The following ELMO1 variants were observed in gnomAD, a reference collection of about 807,000 sequenced individuals.
The protein encoded by ELMO1 is engulfment and cell motility protein 1.
In ELMO1, 26 loss-of-function variants were observed where a neutral mutation model predicts 98.9. That is an observed-to-expected ratio of 0.26 (90% CI 0.19 to 0.36). ELMO1 has a LOEUF of 0.36. ELMO1 is among the 10% of genes least tolerant of loss of function. ELMO1 has a pLI of 1.00. For missense variants in ELMO1, 627 were observed against 935.2 expected (o/e 0.67, Z 4.30); for synonymous variants, 346 against 346.0 (o/e 1.00, Z 0.00).
At chr7:37,041,220 T>A (rs561943366) in intron 15 of ELMO1, among the ~76,000 whole-genome samples, 1 of 152,346 alleles carries the variant, frequency 6.6e-6, no homozygotes, top group Admixed American at 6.5e-5. Flanking sequence ...TCGTGCTACA[T>A]TGTTGCACTG....
At position 37,311,089 on chromosome 7, in the gene ELMO1, T is replaced by C. The variant is rs553565773; in HGVS notation, c.192+3761A>G. On this transcript the variant is annotated intron_variant, in intron 4 of 21. Coordinates refer to ENST00000310758, the MANE Select transcript of ELMO1 (RefSeq NM_014800.11). ...AACTTGTGAATCATTGAATCTTAAC[T>C]TTCTCTGAGGCATTTCCAAGCAATG... is the stretch of plus-strand genomic sequence containing the variant. Among the ~76,000 whole-genome samples the C allele has an allele frequency of 2.8e-4, 42 of 152,152 alleles. 1 individual carries two copies. The highest frequency in any genetic ancestry group is 3.4e-3 in the Middle Eastern group (1 of 294).
intron 16 of ELMO1, among the ~76,000 whole-genome samples, chr7:36,912,327 A>C (rs1051629421): frequency 2.6e-5 from 4 of 152,136 alleles, no homozygotes; most frequent in African/African-American, 9.7e-5. Flanking sequence ...TTACAAGCAA[A>C]GGTGCTGCCA....
Position 36,941,054 on chromosome 7 carries a change from T to C in ELMO1, c.1438-46037A>G, listed in dbSNP as rs140964555. Among the ~76,000 whole-genome samples the C allele has an allele frequency of 1.8e-3, 281 of 152,336 alleles. 1 individual carries two copies. The highest frequency in any genetic ancestry group is 6.4e-3 in the African/African-American group (265 of 41,572). On this transcript the variant is annotated intron_variant, in intron 16 of 21. Transcript: ENST00000310758. The stretch of plus-strand genomic sequence containing the variant: ...CATTTTATGAAATATGCCTAAATAA[T>C]GTAAATGAAATTCCAAGTTTGTTTC...
chr7:37,136,593 A>T (rs571208158), intron 13 of ELMO1, among the ~76,000 whole-genome samples: 17 of 152,312 alleles, frequency 1.1e-4, no homozygotes, highest in Non-Finnish European at 2.2e-4. Context: ...CAAAACAATT[A>T]TCGGCCAAGA....
chr7:37,029,535 T>G (rs1353743622), intron 15 of ELMO1, among the ~76,000 whole-genome samples: 1 of 152,168 alleles, frequency 6.6e-6, no homozygotes, highest in African/African-American at 2.4e-5. Context: ...GGTGGTATTT[T>G]GGGAAATAAA....
At chr7:37,147,581 C>G (rs894225010) in intron 13 of ELMO1, among the ~76,000 whole-genome samples, 2 of 152,128 alleles carry the variant, frequency 1.3e-5, no homozygotes, top group African/African-American at 4.8e-5. Flanking sequence ...TTGGAGCTGC[C>G]AACAAGTCCA....
At chr7:37,315,808 G>A (rs1799122955) in intron 3 of ELMO1, 112 bp downstream of exon 3, 1 of 943,228 alleles carries the variant, frequency 1.1e-6, no homozygotes, top group Non-Finnish European at 1.6e-6. Flanking sequence ...TTGACTTTGA[G>A]CAAGTCAGTG....
intron 16 of ELMO1, among the ~76,000 whole-genome samples, chr7:37,005,036 G>A (rs899108593): frequency 7.0e-6 from 1 of 143,552 alleles, no homozygotes; most frequent in Non-Finnish European, 1.5e-5. Flanking sequence ...TTGAACCAGC[G>A]AGTTGGAGGT....
chr7:37,160,711 G>C (rs940512747), intron 13 of ELMO1, among the ~76,000 whole-genome samples: 1 of 152,150 alleles, frequency 6.6e-6, no homozygotes. Context: ...ACAGGTGCCT[G>C]GGAGTCCTGT....
At chr7:37,334,839 T>C (rs1326189073) in intron 2 of ELMO1, among the ~76,000 whole-genome samples, 2 of 152,220 alleles carry the variant, frequency 1.3e-5, no homozygotes, top group Non-Finnish European at 2.9e-5. Flanking sequence ...CAATCACACT[T>C]ACCTAAAACA....
intron 16 of ELMO1, chr7:36,985,943 T>C (rs1352797662): frequency 2.0e-6 from 2 of 1,002,908 alleles, no homozygotes; most frequent in African/African-American, 3.5e-5. Flanking sequence ...TAAGTCCATC[T>C]TTCCCAACCA....
At chr7:37,069,054 G>A (rs1312617945) in intron 15 of ELMO1, among the ~76,000 whole-genome samples, 1 of 152,112 alleles carries the variant, frequency 6.6e-6, no homozygotes, top group Non-Finnish European at 1.5e-5. Context: ...GTTCTATCCT[G>A]ACAGTAGGAC....
At chr7:37,080,600 ATTTTTTT>A (rs764259726) in intron 15 of ELMO1, among the ~76,000 whole-genome samples, 45 of 105,220 alleles carry the variant, frequency 4.3e-4, no homozygotes, top group African/African-American at 8.6e-4. Flanking sequence ...ACCACGCCTA[ATTTTTTT>A]TTTTTTTTTT....
chr7:37,169,945 A>T (rs1415954655), intron 13 of ELMO1, among the ~76,000 whole-genome samples: 1 of 152,158 alleles, frequency 6.6e-6, no homozygotes, highest in Non-Finnish European at 1.5e-5. Flanking sequence ...CTTGTCACCC[A>T]GGCTGGAGTG....
chr7:36,894,973 G>A lies in ELMO1; in HGVS notation c.1482C>T (p.Thr494=), dbSNP rs745728435. The change falls in exon 17 of 22, where the codon ACC becomes ACT. Residue 494 remains threonine (T), a synonymous_variant. Transcript: ENST00000310758. ...TGAACTGGTCCAGGGAGCTAGGCTT[G>A]GTTGTAAGTGCTCTCATAACCTGCT... The part of the protein sequence containing the change: ...VKEQVMRALT[T]KPSSLDQFKS... The A allele has an allele frequency of 3.7e-6, 6 of 1,613,938 alleles. No individual in the cohort carries two copies. Among genetic ancestry groups the A allele is most frequent in the Non-Finnish European group, 5.1e-6 (6 of 1,180,012 alleles).
intron 16 of ELMO1, among the ~76,000 whole-genome samples, chr7:36,909,205 T>G (rs1032114772): frequency 2.6e-5 from 4 of 152,234 alleles, no homozygotes; most frequent in African/African-American, 9.6e-5. Context: ...TAGTGAGTAA[T>G]GCATAGCTCC....
chr7:36,916,140 C>G (rs1169006927), intron 16 of ELMO1, among the ~76,000 whole-genome samples: 2 of 152,212 alleles, frequency 1.3e-5, no homozygotes, highest in African/African-American at 4.8e-5. Context: ...CAGACCAGAA[C>G]AGGTGTTCCA....
chr7:37,392,380 A>G (rs1028413328), intron 1 of ELMO1, among the ~76,000 whole-genome samples: 5 of 152,216 alleles, frequency 3.3e-5, no homozygotes, highest in Non-Finnish European at 7.3e-5. Flanking sequence ...AAGGAACACA[A>G]GATCCCAGAT....
rs1459424131 is a variant in ELMO1, at chr7:36,855,854, C to T, written c.1984-103G>A. 72 of 1,325,038 alleles carry T rather than the reference C, an allele frequency of 5.4e-5. No homozygotes were observed. Among genetic ancestry groups the T allele is most frequent in the Middle Eastern group, 2.5e-4 (1 of 3,936 alleles). The allele number at this position is 1,325,038 out of a possible 1,614,324, so 82.1% of individuals were successfully genotyped here. A position where few individuals can be genotyped will look rare whatever the true frequency, so the allele number is the denominator to read the frequency against. ...AATACTCATCCCTCAGTAGGCTGTG[C>T]GCTAAGGGCTCTGCCTACTTCGTCA... On this transcript the variant is annotated intron_variant, in intron 21 of 21. Transcript: ENST00000310758. The surrounding 1 kb of genome is among the most constrained non-coding windows in gnomAD (Gnocchi z 4.2).
Sources: allele counts gnomAD v4.1 joint callset (sites outside exome capture counted in the v4.1 genomes callset), GRCh38; gene constraint gnomAD v4.1.1; non-coding constraint Gnocchi (gnomAD v3.1); transcripts MANE v1.5; gene names NCBI Gene and HGNC (gene_info 2026-07-23, HGNC 2026-07-21).